Variants in DRC11 observed in about 807,000 individuals in gnomAD.
The protein encoded by DRC11 is dynein regulatory complex subunit 11.
the DRC11 span, chr2:236,408,026 T>C: frequency 3.9e-5 from 22 of 565,320 alleles, no homozygotes; most frequent in Admixed American, 3.8e-4. This position sits in a 1 kb window ranked among gnomAD's most constrained non-coding sequence, Gnocchi z 5.5. Flanking sequence ...AGCAAAGACT[T>C]GTGGAGGGTG....
At chr2:236,351,473 T>C in the DRC11 span, among the ~76,000 whole-genome samples, 1 of 152,184 alleles carries the variant, frequency 6.6e-6, no homozygotes, top group East Asian at 1.9e-4. The surrounding 1 kb of genome is among the most constrained non-coding windows in gnomAD (Gnocchi z 7.3). Context: ...CTGGGGCACA[T>C]GGGGAGCACC....
At chr2:236,419,636 G>A in the DRC11 span, among the ~76,000 whole-genome samples, 932 of 152,294 alleles carry the variant, frequency 6.1e-3, 10 homozygotes, top group African/African-American at 0.021. This position sits in a 1 kb window ranked among gnomAD's most constrained non-coding sequence, Gnocchi z 4.8. Flanking sequence ...CCCACAGCTC[G>A]TCAAAATCCA....
At chr2:236,401,931 T>C in the DRC11 span, among the ~76,000 whole-genome samples, 4 of 152,198 alleles carry the variant, frequency 2.6e-5, no homozygotes, top group Non-Finnish European at 4.4e-5. This position sits in a 1 kb window ranked among gnomAD's most constrained non-coding sequence, Gnocchi z 4.6. Context: ...CTTAAACTTA[T>C]GTTCTTTAAA....
At chr2:236,357,390 T>TAATAAATA in the DRC11 span, among the ~76,000 whole-genome samples, 1 of 114,012 alleles carries the variant, frequency 8.8e-6, no homozygotes, top group Non-Finnish European at 1.6e-5. Context: ...AGTATAGATA[T>TAATAAATA]TATATAGTAT....
chr2:236,415,221 T>G, the DRC11 span, among the ~76,000 whole-genome samples: 5 of 152,116 alleles, frequency 3.3e-5, no homozygotes, highest in Non-Finnish European at 7.4e-5. The surrounding 1 kb of genome is among the most constrained non-coding windows in gnomAD (Gnocchi z 5.7). Context: ...TCTTTTCAAG[T>G]TTTCCAATTA....
the DRC11 span, chr2:236,331,919 G>A: frequency 3.7e-6 from 1 of 270,340 alleles, no homozygotes. The surrounding 1 kb of genome is among the most constrained non-coding windows in gnomAD (Gnocchi z 4.8). Flanking sequence ...TGTCAACACT[G>A]GAAATTTTCA....
At chr2:236,373,369 A>C in the DRC11 span, among the ~76,000 whole-genome samples, 5 of 150,936 alleles carry the variant, frequency 3.3e-5, no homozygotes, top group Non-Finnish European at 7.4e-5. Context: ...TCCTGCCTCA[A>C]CCTCCTGAGT....
chr2:236,493,851 TC>T, the DRC11 span: 5 of 1,606,504 alleles, frequency 3.1e-6, no homozygotes, highest in Non-Finnish European at 4.3e-6. Context: ...AACTTCTCCT[TC>T]AAAAAATACT....
chr2:236,453,526 C>T, the DRC11 span, among the ~76,000 whole-genome samples: 2 of 152,174 alleles, frequency 1.3e-5, no homozygotes, highest in Admixed American at 6.5e-5. The surrounding 1 kb of genome is among the most constrained non-coding windows in gnomAD (Gnocchi z 4.9). Flanking sequence ...GCCGCAGATG[C>T]GTTAAGTACT....
the DRC11 span, among the ~76,000 whole-genome samples, chr2:236,322,135 C>T: frequency 6.6e-6 from 1 of 152,136 alleles, no homozygotes; most frequent in Non-Finnish European, 1.5e-5. Flanking sequence ...AGAGAGAATG[C>T]CTCTGACCTA....
At chr2:236,507,388 T>A in the DRC11 span, 3 of 990,028 alleles carry the variant, frequency 3.0e-6, no homozygotes, top group Admixed American at 1.8e-5. Context: ...GTGGGGGGTC[T>A]TCTGGAGGGA....
chr2:236,357,477 T>C, the DRC11 span, among the ~76,000 whole-genome samples: 9 of 127,242 alleles, frequency 7.1e-5, no homozygotes, highest in African/African-American at 2.5e-4. Flanking sequence ...ATTACATGTA[T>C]ATTTATATAT....
At chr2:236,466,914 A>ACAG in the DRC11 span, among the ~76,000 whole-genome samples, 4 of 152,342 alleles carry the variant, frequency 2.6e-5, no homozygotes, top group East Asian at 7.7e-4. Flanking sequence ...ATGAATATGT[A>ACAG]CAGCCATAAA....
the DRC11 span, chr2:236,364,015 C>G: frequency 2.6e-6 from 4 of 1,568,294 alleles, no homozygotes; most frequent in Non-Finnish European, 3.5e-6. Flanking sequence ...TAATGTTCTG[C>G]CAAGAAAATC....
the DRC11 span, among the ~76,000 whole-genome samples, chr2:236,328,806 C>G: frequency 6.6e-6 from 1 of 152,220 alleles, no homozygotes; most frequent in African/African-American, 2.4e-5. The surrounding 1 kb of genome is among the most constrained non-coding windows in gnomAD (Gnocchi z 6.7). Context: ...AGCTCTGCTA[C>G]TTTCTAGTTG....
chr2:236,503,691 G>A, the DRC11 span: 3 of 1,550,826 alleles, frequency 1.9e-6, no homozygotes, highest in Non-Finnish European at 2.6e-6. This position sits in a 1 kb window ranked among gnomAD's most constrained non-coding sequence, Gnocchi z 4.9. Flanking sequence ...CTTCCCTCGA[G>A]ACTGTCTCTG....
At chr2:236,483,215 T>C in the DRC11 span, among the ~76,000 whole-genome samples, 1,267 of 152,306 alleles carry the variant, frequency 8.3e-3, 19 homozygotes, top group African/African-American at 0.029. This position sits in a 1 kb window ranked among gnomAD's most constrained non-coding sequence, Gnocchi z 4.8. Flanking sequence ...CGTGTCAGAA[T>C]TTCCTTCTCT....
At chr2:236,309,707 A>G in the DRC11 span, among the ~76,000 whole-genome samples, 1 of 152,192 alleles carries the variant, frequency 6.6e-6, no homozygotes, top group Non-Finnish European at 1.5e-5. This position sits in a 1 kb window ranked among gnomAD's most constrained non-coding sequence, Gnocchi z 5.7. Context: ...TTAACCTGGA[A>G]TTGATGGAGA....
chr2:236,383,248 A>G, the DRC11 span, among the ~76,000 whole-genome samples: 1 of 152,210 alleles, frequency 6.6e-6, no homozygotes, highest in African/African-American at 2.4e-5. Flanking sequence ...ATAATTGTTC[A>G]TAACAGTCTC....
Sources: gnomAD v4.1 joint callset for allele counts (sites outside exome capture counted in the v4.1 genomes callset) on GRCh38, gnomAD v4.1.1 for gene constraint, Gnocchi (gnomAD v3.1) non-coding constraint, MANE v1.5 for transcripts, NCBI Gene and HGNC (gene_info 2026-07-23, HGNC 2026-07-21) for gene names.